The following FGF13 variants were observed in gnomAD, a reference collection of about 807,000 sequenced individuals.
FGF13 encodes fibroblast growth factor 13.
In FGF13, 2 loss-of-function variants were observed where a neutral mutation model predicts 19.5. The ratio of observed to expected loss-of-function variants is 0.10; its 90% CI spans 0.04 to 0.32. FGF13 has a LOEUF of 0.32. Among genes scored for constraint, FGF13 ranks in the 10% least tolerant of loss-of-function variants. The pLI is 1.00. For missense variants in FGF13, 113 were observed against 192.7 expected, an observed-to-expected ratio of 0.59 and a Z score of 2.45; for synonymous variants, 72 against 76.9, an observed-to-expected ratio of 0.94 and a Z score of 0.33.
chrX:138,784,230 G>T (rs2090674417), intron 3 of FGF13, among the ~76,000 whole-genome samples: 1 of 100,442 alleles, frequency 1.0e-5, no homozygotes, highest in Admixed American at 1.1e-4. Context: ...ACGAGTTAGT[G>T]GGTGCAGCGC....
intron 3 of FGF13, among the ~76,000 whole-genome samples, chrX:138,826,270 C>G (rs759272985): frequency 1.8e-5 from 2 of 111,781 alleles, no homozygotes; most frequent in East Asian, 5.7e-4. Context: ...TTGCTATTTC[C>G]GGAAACCTCT....
chrX:138,900,236 C>T (rs911910185), intron 1 of FGF13, among the ~76,000 whole-genome samples: 6 of 111,008 alleles, frequency 5.4e-5, no homozygotes, highest in Non-Finnish European at 1.1e-4. Flanking sequence ...TCTAAAACTC[C>T]ACTAACTCAG....
At chrX:138,705,560 CAAA>C (rs769535046) in intron 2 of FGF13, among the ~76,000 whole-genome samples, 1 of 111,864 alleles carries the variant, frequency 8.9e-6, no homozygotes, top group Non-Finnish European at 1.9e-5. Flanking sequence ...AACATCACCC[CAAA>C]ATAAAAACTT....
At chrX:138,836,446 C>T (rs2091112882) in intron 3 of FGF13, among the ~76,000 whole-genome samples, 1 of 111,822 alleles carries the variant, frequency 8.9e-6, no homozygotes. Context: ...AGTCTTCAAG[C>T]TCTGAGAGTC....
rs1289737284 is a variant in FGF13 at position 139,146,120 on chromosome X, A to G, written c.-113+57296T>C. On this transcript the variant is annotated intron_variant, in intron 1 of 2. Transcript: ENST00000421460. The stretch of plus-strand genomic sequence containing the variant: ...CAACAAAAGCCAAAATTGACAAATG[A>G]GATCTAATTAAACTAAAGAGCTTCT... 4.5e-5 allele frequency among the ~76,000 whole-genome samples: 5 copies of G among 111,191 alleles called. No homozygotes were observed. In the East Asian group the frequency reaches 1.1e-3, roughly 25 times the overall value.
intron 3 of FGF13, among the ~76,000 whole-genome samples, chrX:138,756,240 T>C (rs1040942107): frequency 8.9e-6 from 1 of 112,692 alleles, no homozygotes; most frequent in East Asian, 2.8e-4. Flanking sequence ...TTTGCTACAA[T>C]TCCTGTCAAA....
chrX:138,746,451 T>G (rs1434432098), intron 3 of FGF13, among the ~76,000 whole-genome samples: 1 of 111,505 alleles, frequency 9.0e-6, no homozygotes, highest in Non-Finnish European at 1.9e-5. Context: ...CACAGAGCTA[T>G]TTCCTAAAAG....
At chrX:139,137,111 T>C (rs1318576805) in intron 1 of FGF13, among the ~76,000 whole-genome samples, 1 of 112,214 alleles carries the variant, frequency 8.9e-6, no homozygotes, top group Non-Finnish European at 1.9e-5. Flanking sequence ...AACATAAGCA[T>C]TATTATTCTA....
intron 1 of FGF13, among the ~76,000 whole-genome samples, chrX:139,083,284 A>T (rs2083382733): frequency 9.0e-6 from 1 of 111,444 alleles, no homozygotes; most frequent in South Asian, 3.8e-4. Flanking sequence ...CTATTATTAC[A>T]TCCATTATCT....
chrX:138,951,400 T>C (rs1428522110), intron 1 of FGF13, among the ~76,000 whole-genome samples: 1 of 111,768 alleles, frequency 8.9e-6, no homozygotes, highest in Admixed American at 9.6e-5. Flanking sequence ...CAATAAAACA[T>C]TGATAAATTA....
At chrX:138,961,619 A>G (rs925134141) in intron 1 of FGF13, among the ~76,000 whole-genome samples, 3 of 112,240 alleles carry the variant, frequency 2.7e-5, no homozygotes, top group African/African-American at 6.5e-5. Flanking sequence ...TAAGCAAAAC[A>G]GCATGGTACT....
In FGF13 at chrX:138,776,133, C is replaced by G. The variant is rs187656908; in HGVS notation, c.218-67205G>C. 3.6e-5 allele frequency among the ~76,000 whole-genome samples: 4 copies of G among 112,309 alleles called. No individual in the cohort carries two copies. In the East Asian group the frequency reaches 1.1e-3, roughly 32 times the overall value. On this transcript the variant is annotated intron_variant, in intron 3 of 6. Transcript: ENST00000436198. ...AGTTCCTCATATGCAGCTTCCCCAT[C>G]CCTACTATTTCTACCAAGACTGATA...
chrX:138,887,961 C>A (rs750868969), intron 1 of FGF13, among the ~76,000 whole-genome samples: 1 of 112,178 alleles, frequency 8.9e-6, no homozygotes, highest in Admixed American at 9.4e-5. Flanking sequence ...GCTCAAAAGG[C>A]CCTTTCTCTC....
intron 1 of FGF13, among the ~76,000 whole-genome samples, chrX:139,173,451 G>A (rs1413574372): frequency 5.4e-5 from 6 of 110,146 alleles, no homozygotes; most frequent in East Asian, 2.8e-4. Context: ...TGGGCAGAAC[G>A]TGCAGGTTTG....
chrX:138,870,563 A>C (rs976716069), intron 1 of FGF13, among the ~76,000 whole-genome samples: 1 of 112,485 alleles, frequency 8.9e-6, no homozygotes, highest in Non-Finnish European at 1.9e-5. Flanking sequence ...ACCTATGACT[A>C]TGTTACCTTA....
intron 3 of FGF13, among the ~76,000 whole-genome samples, chrX:138,796,883 G>A (rs7056285): frequency 1.8e-4 from 20 of 111,690 alleles, no homozygotes; most frequent in South Asian, 7.5e-4. Context: ...GTTCATTTAC[G>A]TTGCCCCCTT....
intron 1 of FGF13, among the ~76,000 whole-genome samples, chrX:138,727,686 TA>T (rs2124283856): frequency 9.0e-6 from 1 of 111,385 alleles, no homozygotes; most frequent in African/African-American, 3.3e-5. Context: ...AAAATATACC[TA>T]GGAAAAACGT....
At chrX:139,157,356 T>C (rs2083984375) in intron 1 of FGF13, among the ~76,000 whole-genome samples, 1 of 111,910 alleles carries the variant, frequency 8.9e-6, no homozygotes, top group African/African-American at 3.3e-5. Context: ...CAAACTGCTA[T>C]CTGAGAGACC....
intron 3 of FGF13, among the ~76,000 whole-genome samples, chrX:138,804,643 A>G (rs1396901600): frequency 2.7e-5 from 3 of 112,258 alleles, no homozygotes; most frequent in African/African-American, 9.7e-5. Flanking sequence ...TTAACATGAT[A>G]GGTCACTATG....
Sources: gnomAD v4.1 joint callset for allele counts (sites outside exome capture counted in the v4.1 genomes callset) on GRCh38, gnomAD v4.1.1 for gene constraint, MANE v1.5 for transcripts, NCBI Gene and HGNC (gene_info 2026-07-23, HGNC 2026-07-21) for gene names.